PTPRN2: variants seen among roughly 807,000 people sequenced by gnomAD.
PTPRN2 encodes protein tyrosine phosphatase receptor type N2.
In PTPRN2, 74 loss-of-function variants were observed where a neutral mutation model predicts 118.8. The ratio of observed to expected loss-of-function variants is 0.62; its 90% CI spans 0.52 to 0.76. The LOEUF (loss-of-function observed/expected upper bound fraction) is 0.76. Ranked by LOEUF, PTPRN2 falls within the 30% of genes least tolerant of loss-of-function variation. PTPRN2 has a pLI of 0.00. For missense variants in PTPRN2, 1,481 were observed against 1,394.4 expected (o/e 1.06, Z -0.99); for synonymous variants, 641 against 608.0 (o/e 1.05, Z -0.80).
intron 1 of PTPRN2, among the ~76,000 whole-genome samples, chr7:158,530,682 ACT>A (rs1354115780): frequency 3.3e-5 from 5 of 152,236 alleles, no homozygotes; most frequent in African/African-American, 1.2e-4. Flanking sequence ...GCAGGTTTAC[ACT>A]AACATATGAA....
At chr7:158,035,838 A>G (rs1199035556) in intron 11 of PTPRN2, among the ~76,000 whole-genome samples, 1 of 152,246 alleles carries the variant, frequency 6.6e-6, no homozygotes, top group East Asian at 1.9e-4. Flanking sequence ...GGATTCTCAT[A>G]AGAAAAGAAA....
chr7:158,106,386 C>T (rs1286088400), intron 10 of PTPRN2, among the ~76,000 whole-genome samples: 1 of 152,190 alleles, frequency 6.6e-6, no homozygotes, highest in African/African-American at 2.4e-5. Context: ...CACCTCTGCT[C>T]CCTCCCAGCT....
intron 3 of PTPRN2, among the ~76,000 whole-genome samples, chr7:158,311,403 C>G (rs573270464): frequency 3.3e-5 from 5 of 152,126 alleles, no homozygotes; most frequent in African/African-American, 1.2e-4. Flanking sequence ...AAATTGCATG[C>G]CAACGAGTGA....
At chr7:158,293,060 T>A (rs997768471) in intron 3 of PTPRN2, among the ~76,000 whole-genome samples, 2 of 151,744 alleles carry the variant, frequency 1.3e-5, no homozygotes, top group African/African-American at 4.8e-5. Flanking sequence ...AGAGTGACAT[T>A]CAGTCTAAAA....
intron 2 of PTPRN2, among the ~76,000 whole-genome samples, chr7:158,342,822 C>T (rs1807156187): frequency 6.6e-6 from 1 of 152,088 alleles, no homozygotes; most frequent in African/African-American, 2.4e-5. Context: ...ACAGGATCAA[C>T]CATTCCAGAC....
intron 12 of PTPRN2, among the ~76,000 whole-genome samples, chr7:157,731,597 G>A (rs374255969): frequency 5.6e-4 from 39 of 69,740 alleles, no homozygotes; most frequent in Non-Finnish European, 7.9e-4. Flanking sequence ...CACCCCATGC[G>A]CCCAGCACAG....
In PTPRN2 at chr7:158,563,063, A is replaced by G. The variant is rs1586947927; in HGVS notation, c.112+24495T>C. 6.6e-6 allele frequency among the ~76,000 whole-genome samples: 1 copy of G among 152,132 alleles called. No individual in the cohort carries two copies. Among genetic ancestry groups the G allele is most frequent in the African/African-American group, 2.4e-5 (1 of 41,428 alleles). ...CCTCCTGGTTTCAGAGAAATCAACC[A>G]CGGCCACAGCCTCGTCCACATAGAG... On this transcript the variant is annotated intron_variant, in intron 1 of 22. Transcript: ENST00000389418. The surrounding 1 kb of genome is among the most constrained non-coding windows in gnomAD (Gnocchi z 5.1).
At position 157,886,364 on chromosome 7, in the gene PTPRN2, C is replaced by CAGGG. The variant is rs142348408; in HGVS notation, c.1788+12305_1788+12308dup. ...CAGCTGAAAATGTTAGAAAAGGGCACAGGGAGGGAGGGAAGCATGTCGAGA... is the reference window on the plus strand; with the variant it reads ...CAGCTGAAAATGTTAGAAAAGGGCACAGGGAGGGAGGGAGGGAAGCATGTCGAGA... On this transcript the variant is annotated intron_variant, in intron 12 of 22. Transcript: ENST00000389418. Among the ~76,000 whole-genome samples, 624 of 152,238 alleles carry CAGGG rather than the reference C, an allele frequency of 4.1e-3. 6 individuals are homozygous for CAGGG. The highest frequency in any genetic ancestry group is 0.015 in the African/African-American group (607 of 41,544).
intron 12 of PTPRN2, among the ~76,000 whole-genome samples, chr7:157,873,536 G>GCAGAATTTCCTGC (rs1563195161): frequency 1.4e-4 from 20 of 147,638 alleles, no homozygotes; most frequent in Middle Eastern, 3.5e-3. Context: ...CTGTCCTCAA[G>GCAGAATTTCCTGC]GTCTGTCTCG....
In PTPRN2 at chr7:157,637,561, C is replaced by T. The variant is rs183231640; in HGVS notation, c.2197-16052G>A. Among the ~76,000 whole-genome samples the T allele has an allele frequency of 2.1e-3, 314 of 152,306 alleles. 1 individual carries two copies. The highest frequency in any genetic ancestry group is 3.4e-3 in the Middle Eastern group (1 of 294). ...CAGCAGACCCATTTGTTTAAGTGGT[C>T]ATGCACCCACCTCTCCCCACCCTGA... On this transcript the variant is annotated intron_variant, in intron 14 of 22. Coordinates refer to ENST00000389418, the MANE Select transcript of PTPRN2 (RefSeq NM_002847.5).
At chr7:158,247,428 G>A (rs1437718115) in intron 3 of PTPRN2, among the ~76,000 whole-genome samples, 1 of 7,132 alleles carries the variant, frequency 1.4e-4, no homozygotes, top group Non-Finnish European at 2.5e-4. Flanking sequence ...GGAGTGGCCA[G>A]GGGTGCCCGT....
intron 12 of PTPRN2, among the ~76,000 whole-genome samples, chr7:157,743,945 C>T (rs540257330): frequency 6.6e-6 from 1 of 152,232 alleles, no homozygotes; most frequent in East Asian, 1.9e-4. Flanking sequence ...GTCCTCTTTG[C>T]ACGTTGCATG....
chr7:157,867,986 T>TC (rs1453213500), intron 12 of PTPRN2, among the ~76,000 whole-genome samples: 2 of 152,108 alleles, frequency 1.3e-5, no homozygotes. Context: ...CCAGACTTCC[T>TC]CTGGACAGCA....
At chr7:157,957,537 T>C (rs1040847860) in intron 11 of PTPRN2, among the ~76,000 whole-genome samples, 3 of 152,082 alleles carry the variant, frequency 2.0e-5, no homozygotes, top group African/African-American at 7.2e-5. Flanking sequence ...AGTATTATTG[T>C]ATTCTTTTTA....
At chr7:158,468,907 G>A (rs949599635) in intron 2 of PTPRN2, among the ~76,000 whole-genome samples, 1 of 151,606 alleles carries the variant, frequency 6.6e-6, no homozygotes, top group Admixed American at 6.6e-5. Flanking sequence ...TCAACAGTGT[G>A]CACACCCAGG....
intron 3 of PTPRN2, among the ~76,000 whole-genome samples, chr7:158,221,026 C>T (rs547359805): frequency 6.6e-6 from 1 of 152,130 alleles, no homozygotes; most frequent in East Asian, 1.9e-4. Flanking sequence ...GACACATAGA[C>T]CAATGGAACA....
At chr7:158,073,055 C>T (rs2128923489) in intron 11 of PTPRN2, among the ~76,000 whole-genome samples, 1 of 152,296 alleles carries the variant, frequency 6.6e-6, no homozygotes, top group African/African-American at 2.4e-5. Context: ...AGGGCAGTGG[C>T]TCGGCTGTAG....
chr7:158,562,464 C>G (rs1169597758), intron 1 of PTPRN2, among the ~76,000 whole-genome samples: 1 of 152,172 alleles, frequency 6.6e-6, no homozygotes, highest in Non-Finnish European at 1.5e-5. Flanking sequence ...AGCCTTACTC[C>G]TCCATCTGCC....
chr7:157,843,780 G>A (rs1808600910), intron 12 of PTPRN2, among the ~76,000 whole-genome samples: 1 of 152,344 alleles, frequency 6.6e-6, no homozygotes, highest in South Asian at 2.1e-4. Context: ...GGAAACCTCT[G>A]CTCTGTGCTG....
Sources: allele counts gnomAD v4.1 joint callset (sites outside exome capture counted in the v4.1 genomes callset), GRCh38; gene constraint gnomAD v4.1.1; non-coding constraint Gnocchi (gnomAD v3.1); transcripts MANE v1.5; gene names NCBI Gene and HGNC (gene_info 2026-07-23, HGNC 2026-07-21).